Variants in PIAS1 observed in about 807,000 individuals in gnomAD.
PIAS1 encodes the protein protein inhibitor of activated STAT 1.
PIAS1 carries 6 observed loss-of-function variants against 71.3 expected under a neutral mutation model. The observed-to-expected ratio is 0.08, with a 90% CI of 0.05 to 0.17. The LOEUF (loss-of-function observed/expected upper bound fraction) is 0.17. Ranked by LOEUF, PIAS1 falls within the 10% of genes least tolerant of loss-of-function variation. The pLI is 1.00. For synonymous variants in PIAS1, 303 were observed against 292.9 expected, an observed-to-expected ratio of 1.03 and a Z score of -0.35; for missense variants, 555 against 793.6, an observed-to-expected ratio of 0.70 and a Z score of 3.61.
intron 2 of PIAS1, among the ~76,000 whole-genome samples, chr15:68,102,991 A>G (rs1347292905): frequency 6.6e-6 from 1 of 151,846 alleles, no homozygotes; most frequent in Non-Finnish European, 1.5e-5. Context: ...ATAGTAGCAC[A>G]GTCTCGGCTC....
intron 7 of PIAS1, among the ~76,000 whole-genome samples, chr15:68,164,045 T>A (rs2092941097): frequency 6.6e-6 from 1 of 151,768 alleles, no homozygotes; most frequent in Admixed American, 6.6e-5. Flanking sequence ...TACTAGTGTC[T>A]CCTCCCTTAA....
intron 1 of PIAS1, among the ~76,000 whole-genome samples, chr15:68,081,406 T>C (rs1271641615): frequency 6.6e-6 from 1 of 152,134 alleles, no homozygotes; most frequent in Non-Finnish European, 1.5e-5. Context: ...CTCACTCACA[T>C]AGATTTTCCC....
rs924071489 is a variant in PIAS1, at chr15:68,186,922, G to A, written c.1663-620G>A. Reference sequence around the variant, plus strand: ...GTGATGTTTGCACAGCCACAAAACCGCCTAATGATGCATTTCTCAAAACAC... The same window carrying A: ...GTGATGTTTGCACAGCCACAAAACCACCTAATGATGCATTTCTCAAAACAC... On this transcript the variant is annotated intron_variant, in intron 13 of 13. Coordinates refer to ENST00000249636, the MANE Select transcript of PIAS1 (RefSeq NM_016166.3). The surrounding 1 kb of genome is among the most constrained non-coding windows in gnomAD (Gnocchi z 4.4). Among the ~76,000 whole-genome samples, 4 of 152,202 alleles carry A rather than the reference G, an allele frequency of 2.6e-5. No homozygotes were observed. The highest frequency in any genetic ancestry group is 1.3e-4 in the Admixed American group (2 of 15,270).
chr15:68,100,699 TA>T (rs1458079134), intron 2 of PIAS1, among the ~76,000 whole-genome samples: 1 of 152,138 alleles, frequency 6.6e-6, no homozygotes, highest in Non-Finnish European at 1.5e-5. Context: ...GGCTGTATGG[TA>T]GTTTTAGTTT....
intron 1 of PIAS1, among the ~76,000 whole-genome samples, chr15:68,059,537 C>T (rs936994821): frequency 1.3e-5 from 2 of 151,228 alleles, no homozygotes; most frequent in Non-Finnish European, 2.9e-5. Context: ...TAGTGAAACC[C>T]CGTCTCTACT....
intron 11 of PIAS1, among the ~76,000 whole-genome samples, chr15:68,180,467 T>TAA (rs36101109): frequency 4.0e-4 from 60 of 151,006 alleles, no homozygotes; most frequent in Middle Eastern, 3.4e-3. Flanking sequence ...TAGTAAATTT[T>TAA]AAAAAAAAAG....
intron 1 of PIAS1, among the ~76,000 whole-genome samples, chr15:68,059,186 T>C (rs1030035519): frequency 9.2e-5 from 14 of 151,930 alleles, no homozygotes; most frequent in African/African-American, 3.4e-4. Flanking sequence ...TTTGTACGTT[T>C]TTAGTAGAGA....
At chr15:68,082,918 T>C (rs1465102492) in intron 1 of PIAS1, among the ~76,000 whole-genome samples, 1 of 152,166 alleles carries the variant, frequency 6.6e-6, no homozygotes, top group Non-Finnish European at 1.5e-5. Flanking sequence ...TAAATTGTGT[T>C]CACGTCTGTC....
At chr15:68,146,867 G>C (rs556830129) in intron 6 of PIAS1, among the ~76,000 whole-genome samples, 167 bp downstream of exon 6, 8 of 152,262 alleles carry the variant, frequency 5.3e-5, no homozygotes, top group South Asian at 2.1e-4. Flanking sequence ...GGATTATGAA[G>C]TATCCAGTGT....
chr15:68,182,647 C>A (rs1015777825), intron 12 of PIAS1, among the ~76,000 whole-genome samples: 3 of 152,100 alleles, frequency 2.0e-5, no homozygotes, highest in African/African-American at 7.2e-5. Context: ...CTCAAACTCC[C>A]GACCTCAGGT....
At chr15:68,148,782 A>T (rs1259465771) in intron 6 of PIAS1, among the ~76,000 whole-genome samples, 7 of 152,240 alleles carry the variant, frequency 4.6e-5, no homozygotes. Flanking sequence ...TTTAGAAAAG[A>T]TCACTCCTTG....
At chr15:68,146,523 T>C (rs1180619548) in intron 5 of PIAS1, 43 bp from the exon 6 acceptor site, 2 of 1,499,258 alleles carry the variant, frequency 1.3e-6, no homozygotes. Flanking sequence ...GTCAAAATGA[T>C]TGTGGAAATA....
intron 2 of PIAS1, among the ~76,000 whole-genome samples, chr15:68,094,416 A>C (rs1465559396): frequency 2.0e-5 from 3 of 151,962 alleles, no homozygotes; most frequent in Non-Finnish European, 4.4e-5. Flanking sequence ...TGCTCTAGGC[A>C]AAAAGGGAAC....
At chr15:68,103,379 T>A (rs1354251633) in intron 2 of PIAS1, among the ~76,000 whole-genome samples, 2 of 152,152 alleles carry the variant, frequency 1.3e-5, no homozygotes, top group African/African-American at 4.8e-5. Context: ...GACATAAACT[T>A]TGTTCTTTTG....
intron 2 of PIAS1, among the ~76,000 whole-genome samples, chr15:68,112,293 T>C (rs1459530542): frequency 6.6e-6 from 1 of 152,154 alleles, no homozygotes; most frequent in African/African-American, 2.4e-5. Context: ...CTTTACTAGC[T>C]CAGTCCCCCA....
At chr15:68,176,193 A>C (rs1158433756) in intron 10 of PIAS1, among the ~76,000 whole-genome samples, 1 of 152,192 alleles carries the variant, frequency 6.6e-6, no homozygotes, top group Non-Finnish European at 1.5e-5. Flanking sequence ...ACAGACAAAA[A>C]TTAATATACC....
chr15:68,116,003 G>T (rs2092561969), intron 2 of PIAS1, among the ~76,000 whole-genome samples: 1 of 151,912 alleles, frequency 6.6e-6, no homozygotes, highest in African/African-American at 2.4e-5. Flanking sequence ...GTCTAATAAG[G>T]TCTTGGTCTC....
intron 8 of PIAS1, among the ~76,000 whole-genome samples, chr15:68,168,472 T>C (rs181531971): frequency 1.1e-4 from 16 of 152,312 alleles, no homozygotes; most frequent in Admixed American, 8.5e-4. Flanking sequence ...GCACTATTAT[T>C]GTAAAGTTAG....
chr15:68,114,029 TACACACACAC>T (rs58536041), intron 2 of PIAS1, among the ~76,000 whole-genome samples: 28 of 125,308 alleles, frequency 2.2e-4, no homozygotes, highest in East Asian at 2.2e-3. Context: ...ATATATTTCA[TACACACACAC>T]ACACACACAC....
Sources: gnomAD v4.1 joint callset for allele counts (sites outside exome capture counted in the v4.1 genomes callset) on GRCh38, gnomAD v4.1.1 for gene constraint, Gnocchi (gnomAD v3.1) non-coding constraint, MANE v1.5 for transcripts, NCBI Gene and HGNC (gene_info 2026-07-23, HGNC 2026-07-21) for gene names.